The following LRRC20 variants were observed in gnomAD, a reference collection of about 807,000 sequenced individuals.
LRRC20 encodes leucine-rich repeat-containing protein 20.
Under a neutral mutation model 14.4 loss-of-function variants are expected in LRRC20, and 11 were observed. The observed-to-expected ratio is 0.77, with a 90% CI of 0.48 to 1.27. LRRC20 has a LOEUF of 1.27. Ranked by LOEUF, LRRC20 falls within the 50% of genes most tolerant of loss-of-function variation. The pLI is 0.00. For synonymous variants in LRRC20, 121 were observed against 107.3 expected (o/e 1.13, Z -0.79); for missense variants, 219 against 251.2 (o/e 0.87, Z 0.87).
chr10:70,360,390 T>C (rs1361039609), intron 2 of LRRC20, among the ~76,000 whole-genome samples: 1 of 148,264 alleles, frequency 6.7e-6, no homozygotes, highest in Non-Finnish European at 1.5e-5. Context: ...CCTCCCCATC[T>C]CCCTCCTCCT....
intron 2 of LRRC20, among the ~76,000 whole-genome samples, chr10:70,354,463 A>G (rs4747010): frequency 0.71 from 107,951 of 152,038 alleles, 38,962 homozygotes; most frequent in East Asian, 0.87. Context: ...CACCCACAGC[A>G]TTAGCATCAC....
chr10:70,308,629 G>A (rs557506538), intron 4 of LRRC20, among the ~76,000 whole-genome samples: 536 of 152,208 alleles, frequency 3.5e-3, no homozygotes, highest in Non-Finnish European at 6.3e-3. Context: ...TGGCAGGGAG[G>A]GGCTGGTCAT....
rs538625816 is a variant in LRRC20 at position 70,349,481 on chromosome 10, G to A, written c.83-8779C>T. On this transcript the variant is annotated intron_variant, in intron 2 of 4. Transcript: ENST00000446961. ...TAATCCCAGCTACTCAGGAGGCTGA[G>A]GCAGGAGAATTGCTTGAACCGAGGA... Among the ~76,000 whole-genome samples, 4 of 152,338 alleles carry A rather than the reference G, an allele frequency of 2.6e-5. No homozygotes were observed. In the South Asian group the frequency reaches 8.3e-4, roughly 32 times the overall value.
chr10:70,375,845 C>T (rs1442966223), intron 2 of LRRC20, among the ~76,000 whole-genome samples: 1 of 152,152 alleles, frequency 6.6e-6, no homozygotes, highest in Admixed American at 6.5e-5. Flanking sequence ...TAAGTATCTG[C>T]TGAATTCGAT....
chr10:70,345,199 T>C (rs958571339), intron 2 of LRRC20, among the ~76,000 whole-genome samples: 35 of 152,006 alleles, frequency 2.3e-4, no homozygotes, highest in African/African-American at 8.5e-4. Context: ...CCAGAAATAA[T>C]GTCATAATAA....
chr10:70,381,339 C>A (rs1037670920), intron 1 of LRRC20, among the ~76,000 whole-genome samples: 2 of 152,198 alleles, frequency 1.3e-5, no homozygotes, highest in African/African-American at 4.8e-5. Context: ...AAATTCAATG[C>A]CAGACAAAAA....
intron 2 of LRRC20, among the ~76,000 whole-genome samples, chr10:70,347,348 C>T (rs1462357311): frequency 6.6e-6 from 1 of 152,076 alleles, no homozygotes; most frequent in African/African-American, 2.4e-5. Flanking sequence ...AAAGTGCTTA[C>T]AACGGAGGAA....
chr10:70,306,346 C>A (rs1415337529), intron 4 of LRRC20, among the ~76,000 whole-genome samples: 2 of 152,154 alleles, frequency 1.3e-5, no homozygotes, highest in Non-Finnish European at 2.9e-5. Flanking sequence ...TACAGCACTT[C>A]CCCCTCTAGT....
At chr10:70,377,431 A>G (rs965740663) in intron 1 of LRRC20, among the ~76,000 whole-genome samples, 19 of 152,258 alleles carry the variant, frequency 1.2e-4, no homozygotes, top group African/African-American at 4.6e-4. Flanking sequence ...AAATGAGCAC[A>G]GAGAGGGGCT....
In LRRC20 at chr10:70,301,090, G is replaced by A; in HGVS notation, c.*264C>T. On this transcript the variant is annotated 3_prime_UTR_variant, in exon 5 of 5. Coordinates refer to ENST00000446961, the MANE Select transcript of LRRC20 (RefSeq NM_001278212.2). ...TTTTTCAAGTGACAAGGCTCAGAGA[G>A]GGCAGGAGATCTGCCTGAGTTTGCA... 1 of 1,290,346 alleles carries A rather than the reference G, an allele frequency of 7.7e-7. No homozygotes were observed. The highest frequency in any genetic ancestry group is 9.8e-7 in the Non-Finnish European group (1 of 1,019,676). 79.9% of individuals were successfully genotyped at this position (1,290,346 alleles called of 1,614,324 possible). A position where few individuals can be genotyped will look rare whatever the true frequency, so the allele number is the denominator to read the frequency against.
chr10:70,319,936 T>C (rs976447333), intron 4 of LRRC20, among the ~76,000 whole-genome samples: 1 of 152,190 alleles, frequency 6.6e-6, no homozygotes, highest in Non-Finnish European at 1.5e-5. Flanking sequence ...CACCTGCTGC[T>C]GTGTGTCTGC....
chr10:70,376,130 G>A (rs113331788), intron 2 of LRRC20, among the ~76,000 whole-genome samples: 1,933 of 152,160 alleles, frequency 0.013, 36 homozygotes, highest in African/African-American at 0.044. Context: ...CGCCCAGCAC[G>A]GGGCCTGGCA....
intron 2 of LRRC20, among the ~76,000 whole-genome samples, chr10:70,367,967 G>GTTATA (rs1844087242): frequency 7.4e-6 from 1 of 134,858 alleles, no homozygotes; most frequent in Non-Finnish European, 1.5e-5. Flanking sequence ...CCTATGTTAT[G>GTTATA]TTATGTTATG....
intron 4 of LRRC20, among the ~76,000 whole-genome samples, chr10:70,308,443 C>T (rs1281444552): frequency 1.3e-5 from 2 of 152,046 alleles, no homozygotes; most frequent in Non-Finnish European, 2.9e-5. Flanking sequence ...GAGGAGCTTG[C>T]CTACCCTTAG....
At chr10:70,380,734 A>G (rs925473345) in intron 1 of LRRC20, among the ~76,000 whole-genome samples, 2 of 152,152 alleles carry the variant, frequency 1.3e-5, no homozygotes, top group Non-Finnish European at 2.9e-5. Context: ...CTCTCCACAC[A>G]CCCTCAACCC....
chr10:70,321,595 G>C (rs1159672233), intron 4 of LRRC20, among the ~76,000 whole-genome samples: 2 of 152,238 alleles, frequency 1.3e-5, no homozygotes, highest in Non-Finnish European at 2.9e-5. Context: ...GATCAGTCAA[G>C]CTCTTTCAGG....
intron 4 of LRRC20, among the ~76,000 whole-genome samples, chr10:70,308,676 G>A (rs1841522491): frequency 6.6e-6 from 1 of 152,078 alleles, no homozygotes. Flanking sequence ...ACAGGCGAGC[G>A]AGCCAGCAAG....
chr10:70,304,470 TTATATATATATATATATATATATATA>T (rs57284629), intron 4 of LRRC20, among the ~76,000 whole-genome samples: 7 of 113,824 alleles, frequency 6.1e-5, no homozygotes, highest in Admixed American at 1.9e-4. Context: ...GGCCACTTCT[TTATATATATATATATATATATATATA>T]TATATATATA....
At chr10:70,363,205 G>A (rs1315124605) in intron 2 of LRRC20, among the ~76,000 whole-genome samples, 1 of 143,466 alleles carries the variant, frequency 7.0e-6, no homozygotes, top group Non-Finnish European at 1.5e-5. Flanking sequence ...TTTAGCCTAA[G>A]AGTTTGAGCC....
Sources: allele counts gnomAD v4.1 joint callset (sites outside exome capture counted in the v4.1 genomes callset), GRCh38; gene constraint gnomAD v4.1.1; transcripts MANE v1.5; gene names NCBI Gene and HGNC (gene_info 2026-07-23, HGNC 2026-07-21).